Variants in SETBP1 observed in about 807,000 individuals in gnomAD.
SETBP1 encodes the protein SET-binding protein.
A neutral mutation model predicts 101.0 loss-of-function variants in SETBP1; 9 were observed. The observed-to-expected ratio is 0.09, with a 90% CI of 0.05 to 0.16. The LOEUF is 0.16. Ranked by LOEUF, SETBP1 falls within the 10% of genes least tolerant of loss-of-function variation. The pLI, the probability that SETBP1 is intolerant of heterozygous loss-of-function variation, is 1.00. For synonymous variants in SETBP1, 818 were observed against 788.5 expected (o/e 1.04, Z -0.63); for missense variants, 1,858 against 2,033.8 (o/e 0.91, Z 1.66).
In SETBP1 at chr18:45,041,518, A is replaced by G. The variant is rs554700472; in HGVS notation, c.4171+2863A>G. On this transcript the variant is annotated intron_variant, in intron 5 of 5. Transcript: ENST00000649279. ...TTTTCTAATAGGTTACCATTCCTACAGAATGGTTTTGGAAACCCAGACAAT... is the reference window on the plus strand; with the variant it reads ...TTTTCTAATAGGTTACCATTCCTACGGAATGGTTTTGGAAACCCAGACAAT... 3.1e-3 allele frequency among the ~76,000 whole-genome samples: 473 copies of G among 152,320 alleles called. 1 individual carries two copies. The highest frequency in any genetic ancestry group is 5.1e-3 in the Non-Finnish European group (350 of 68,034).
In SETBP1 at chr18:44,701,178, C is replaced by T; in HGVS notation, c.-169C>T. On this transcript the variant is annotated 5_prime_UTR_variant, in exon 2 of 6. Transcript: ENST00000649279. ...TAACTGTCTCTTTGCTTCTCAGTTG[C>T]AGATCTGATCTCTTCTGAACACCTC... The T allele has an allele frequency of 3.4e-6, 2 of 583,928 alleles. No homozygotes were observed. The highest frequency in any genetic ancestry group is 5.5e-6 in the Non-Finnish European group (2 of 364,472). The allele number at this position is 583,928 out of a possible 1,614,324, so 36.2% of individuals were successfully genotyped here.
At chr18:44,831,315 A>C (rs184594905) in intron 2 of SETBP1, among the ~76,000 whole-genome samples, 1 of 152,210 alleles carries the variant, frequency 6.6e-6, no homozygotes, top group African/African-American at 2.4e-5. Flanking sequence ...AAAACCAGAC[A>C]TGTGATTAAG....
chr18:44,789,510 G>A (rs2071324476), intron 2 of SETBP1, among the ~76,000 whole-genome samples: 1 of 152,182 alleles, frequency 6.6e-6, no homozygotes, highest in Non-Finnish European at 1.5e-5. Flanking sequence ...GATCATCCGA[G>A]CAGTATGTGG....
At chr18:45,056,466 A>C (rs1217662822) in intron 5 of SETBP1, among the ~76,000 whole-genome samples, 17 of 152,234 alleles carry the variant, frequency 1.1e-4, no homozygotes, top group Non-Finnish European at 1.5e-5. Context: ...CTGGAGTTCC[A>C]TTTATTAAGC....
At chr18:45,042,249 A>G (rs551963782) in intron 5 of SETBP1, among the ~76,000 whole-genome samples, 1 of 150,504 alleles carries the variant, frequency 6.6e-6, no homozygotes, top group African/African-American at 2.4e-5. Context: ...TCCCAGATTC[A>G]AGCGATTCTC....
chr18:44,944,485 C>G (rs1259834258), intron 3 of SETBP1, among the ~76,000 whole-genome samples: 1 of 152,164 alleles, frequency 6.6e-6, no homozygotes, highest in East Asian at 1.9e-4. Flanking sequence ...GCCTCATTCT[C>G]TCCCTGAGAG....
intron 2 of SETBP1, among the ~76,000 whole-genome samples, chr18:44,778,221 A>G (rs961585747): frequency 6.6e-6 from 1 of 152,188 alleles, no homozygotes; most frequent in Admixed American, 6.5e-5. Context: ...CTGAGAGTCA[A>G]AAACGTAAGA....
At chr18:44,859,710 G>A (rs771001430) in intron 2 of SETBP1, among the ~76,000 whole-genome samples, 2 of 152,184 alleles carry the variant, frequency 1.3e-5, no homozygotes, top group African/African-American at 2.4e-5. Flanking sequence ...GCAAAAGTAG[G>A]TCCTGAAAAA....
chr18:45,061,917 G>A (rs148593326), intron 5 of SETBP1, among the ~76,000 whole-genome samples: 20 of 152,322 alleles, frequency 1.3e-4, no homozygotes, highest in Non-Finnish European at 2.5e-4. Context: ...AAATCATAGC[G>A]GCAAAGAACT....
chr18:44,726,381 G>A (rs530848053), intron 2 of SETBP1, among the ~76,000 whole-genome samples: 23 of 152,304 alleles, frequency 1.5e-4, no homozygotes, highest in African/African-American at 5.5e-4. Flanking sequence ...TTCTGTATGG[G>A]AGGCACCAAT....
intron 3 of SETBP1, among the ~76,000 whole-genome samples, chr18:44,927,037 G>T (rs1470733039): frequency 1.3e-5 from 2 of 152,182 alleles, no homozygotes; most frequent in Non-Finnish European, 2.9e-5. Flanking sequence ...ATTGGAGACA[G>T]GAGACTGTGG....
At chr18:44,961,173 C>T (rs2071602941) in intron 4 of SETBP1, among the ~76,000 whole-genome samples, 1 of 152,118 alleles carries the variant, frequency 6.6e-6, no homozygotes, top group South Asian at 2.1e-4. Flanking sequence ...CCACCTTAAA[C>T]ACAGAGGCAG....
Position 44,701,816 on chromosome 18 carries a change from G to C in SETBP1, c.470G>C (p.Ser157Thr), listed in dbSNP as rs1050799252. The C allele has an allele frequency of 2.5e-6, 4 of 1,613,018 alleles. No homozygotes were observed. The highest frequency in any genetic ancestry group is 3.4e-6 in the Non-Finnish European group (4 of 1,179,942). ...AAAGCCACGAAGGAGGAAGAAAGAA[G>C]CCACTCCAAAAAGAAGGTAGGAAGC... The part of the protein sequence containing the change: ...NSKATKEEER[S>T]HSKKKLLTAS... The change falls in exon 2 of 6, where the codon AGC becomes ACC. Residue 157 changes from serine to threonine, a missense_variant. Physicochemically the swap from Ser to Thr is moderately conservative, Grantham distance 58. This residue lies in a region of SETBP1 where 581 missense variants were observed against 535.1 expected (regional missense o/e 1.09). Transcript: ENST00000649279.
intron 4 of SETBP1, among the ~76,000 whole-genome samples, chr18:44,959,179 G>C (rs568188154): frequency 6.6e-6 from 1 of 152,268 alleles, no homozygotes; most frequent in South Asian, 2.1e-4. Context: ...TTCAGGTGTG[G>C]GTGCAGAGAA....
At chr18:44,894,429 GT>G (rs551871420) in intron 3 of SETBP1, among the ~76,000 whole-genome samples, 87 of 151,680 alleles carry the variant, frequency 5.7e-4, no homozygotes, top group Non-Finnish European at 9.9e-4. Flanking sequence ...ATGTAGCAAT[GT>G]CCTTAATTGA....
intron 2 of SETBP1, among the ~76,000 whole-genome samples, chr18:44,840,700 A>G (rs1324525735): frequency 6.6e-5 from 10 of 152,248 alleles, no homozygotes; most frequent in African/African-American, 2.4e-4. Context: ...CCAGTTCCTG[A>G]AACTGCCAAG....
chr18:44,704,089 T>G (rs1380113879), intron 2 of SETBP1, among the ~76,000 whole-genome samples: 3 of 152,198 alleles, frequency 2.0e-5, no homozygotes, highest in Non-Finnish European at 2.9e-5. Flanking sequence ...TACATTGTCC[T>G]GATTAGGTAC....
In SETBP1 at chr18:44,952,967, A is replaced by G. The variant is rs1423572501; in HGVS notation, c.3627A>G (p.Lys1209=). 1.2e-6 allele frequency: 2 copies of G among 1,614,082 alleles called. No individual in the cohort carries two copies. Among genetic ancestry groups the G allele is most frequent in the African/African-American group, 1.3e-5 (1 of 74,930 alleles). The part of the protein sequence containing the change: ...LVSEKNKHKE[K]QKHQHSEAGH... ...GTGAGAAGAACAAGCATAAGGAGAA[A>G]CAGAAGCACCAGCACAGCGAAGCCG... The change falls in exon 4 of 6, where the codon AAA becomes AAG. Residue 1209 remains lysine, a synonymous_variant. Coordinates refer to ENST00000649279, the MANE Select transcript of SETBP1 (RefSeq NM_015559.3).
intron 1 of SETBP1, among the ~76,000 whole-genome samples, chr18:44,691,310 A>G (rs1454214924): frequency 6.6e-6 from 1 of 152,130 alleles, no homozygotes; most frequent in African/African-American, 2.4e-5. Flanking sequence ...TAAATTGATA[A>G]TGACTGTAAA....
Sources: gnomAD v4.1 joint callset for allele counts (sites outside exome capture counted in the v4.1 genomes callset) on GRCh38, gnomAD v4.1.1 for gene constraint, gnomAD v4.1.1 regional missense constraint, MANE v1.5 for transcripts, NCBI Gene and HGNC (gene_info 2026-07-23, HGNC 2026-07-21) for gene names.